Variants in MACIR observed in about 807,000 individuals in gnomAD.
The protein encoded by MACIR is macrophage immunometabolism regulator, also known as UNC119-binding protein C5orf30.
Under a neutral mutation model 14.3 loss-of-function variants are expected in MACIR, and 4 were observed. The ratio of observed to expected loss-of-function variants is 0.28; its 90% CI spans 0.14 to 0.64. The LOEUF (loss-of-function observed/expected upper bound fraction) is 0.64, where lower values mean the gene tolerates loss of function less well. Ranked by LOEUF, MACIR falls within the 30% of genes least tolerant of loss-of-function variation. MACIR has a pLI of 0.83. For missense variants in MACIR, 228 were observed against 257.6 expected, an observed-to-expected ratio of 0.89 and a Z score of 0.79; for synonymous variants, 101 against 102.4, an observed-to-expected ratio of 0.99 and a Z score of 0.08.
Position 103,276,318 on chromosome 5 carries a change from A to G in MACIR, c.399A>G (p.Ser133=), listed in dbSNP as rs1580586034. The part of the protein sequence containing the change: ...NGRRRRRMPS[S]GDKCTKSLPY... ...GGAGGCGAAGGCGGATGCCAAGCTC[A>G]GGAGACAAGTGCACTAAATCTTTAC... The change falls in exon 3 of 3, where the codon TCA becomes TCG. Residue 133 remains serine, a synonymous_variant. Coordinates refer to ENST00000319933, the MANE Select transcript of MACIR (RefSeq NM_033211.4). 1 of 1,612,752 alleles carries G rather than the reference A, an allele frequency of 6.2e-7. No homozygotes were observed. The highest frequency in any genetic ancestry group is 8.5e-7 in the Non-Finnish European group (1 of 1,179,800).
intron 2 of MACIR, among the ~76,000 whole-genome samples, chr5:103,267,762 G>A (rs1004491669): frequency 3.9e-5 from 6 of 152,098 alleles, no homozygotes; most frequent in South Asian, 2.1e-4. Context: ...CTTTTAAAGT[G>A]TACGGTTTGA....
chr5:103,275,837 C>A, intron 2 of MACIR, 60 bp from the exon 3 acceptor site: 1 of 1,452,842 alleles, frequency 6.9e-7, no homozygotes, highest in Non-Finnish European at 9.3e-7. Context: ...CTAAAAGGAC[C>A]TGGCCTGGCC....
chr5:103,269,657 AATAG>A (rs1382824515), intron 2 of MACIR, among the ~76,000 whole-genome samples: 2 of 152,060 alleles, frequency 1.3e-5, no homozygotes, highest in Non-Finnish European at 2.9e-5. Context: ...CTTTGTGCCA[AATAG>A]ATAGGAAGCT....
chr5:103,276,114 G>T lies in MACIR; in HGVS notation c.195G>T (p.Thr65=). 6.2e-7 allele frequency: 1 copy of T among 1,613,980 alleles called. No individual in the cohort carries two copies. The highest frequency in any genetic ancestry group is 8.5e-7 in the Non-Finnish European group (1 of 1,180,002). Reference sequence around the variant, plus strand: ...ACTCTAACTATTTGGTTGGCTTCACGACTGGCGAGGAACTCCTGAAGTTAG... The same window carrying T: ...ACTCTAACTATTTGGTTGGCTTCACTACTGGCGAGGAACTCCTGAAGTTAG... ...HMDSNYLVGF[T]TGEELLKLAQ... is the part of the protein sequence containing the mutation. The change falls in exon 3 of 3, where the codon ACG becomes ACT. Residue 65 remains threonine (T), a synonymous_variant. Coordinates refer to ENST00000319933, the MANE Select transcript of MACIR (RefSeq NM_033211.4).
upstream of MACIR, among the ~76,000 whole-genome samples, chr5:103,258,463 A>G (rs546414374): frequency 7.9e-4 from 120 of 152,192 alleles, no homozygotes; most frequent in Non-Finnish European, 1.5e-3. Flanking sequence ...CTTTAGTTGG[A>G]GTGCTGGGTT....
In MACIR at chr5:103,266,848, A is replaced by G. The variant is rs772534843; in HGVS notation, c.-24+851A>G. Reference sequence around the variant, plus strand: ...TCAAAGGAATGGTAGGGAAAAACAAATACTTTAATCTCATTAAGTAGATAA... The same window carrying G: ...TCAAAGGAATGGTAGGGAAAAACAAGTACTTTAATCTCATTAAGTAGATAA... On this transcript the variant is annotated intron_variant, in intron 2 of 2. Transcript: ENST00000319933. 2.0e-5 allele frequency among the ~76,000 whole-genome samples: 3 copies of G among 152,304 alleles called. No individual in the cohort carries two copies. In the South Asian group the frequency reaches 6.2e-4, roughly 32 times the overall value.
At position 103,276,693 on chromosome 5, in the gene MACIR, T is replaced by G; in HGVS notation, c.*153T>G. On this transcript the variant is annotated 3_prime_UTR_variant, in exon 3 of 3. Transcript: ENST00000319933. The stretch of plus-strand genomic sequence containing the variant: ...AAAAATTGTTTGGGTCAAATTTGAA[T>G]ACAGGAATGAAATCACAGGTACTTG... 2 of 631,924 alleles carry G rather than the reference T, an allele frequency of 3.2e-6. No homozygotes were observed. The highest frequency in any genetic ancestry group is 5.1e-6 in the Non-Finnish European group (2 of 391,210). 39.1% of individuals were successfully genotyped at this position (631,924 alleles called of 1,614,324 possible).
chr5:103,268,720 G>T (rs967920714), intron 2 of MACIR, among the ~76,000 whole-genome samples: 1 of 152,156 alleles, frequency 6.6e-6, no homozygotes, highest in African/African-American at 2.4e-5. Flanking sequence ...GAAGCTCCTT[G>T]CATGATTCTG....
rs114035466 is a variant in MACIR at position 103,276,120 on chromosome 5, C to T, written c.201C>T (p.Gly67=). ...DSNYLVGFTT[G]EELLKLAQKC... is the part of the protein sequence containing the mutation. ...ACTATTTGGTTGGCTTCACGACTGG[C>T]GAGGAACTCCTGAAGTTAGCTCAGA... The change falls in exon 3 of 3, where the codon GGC becomes GGT. Residue 67 remains glycine (G), a synonymous_variant. Coordinates refer to ENST00000319933, the MANE Select transcript of MACIR (RefSeq NM_033211.4). 546 of 1,613,866 alleles carry T rather than the reference C, an allele frequency of 3.4e-4. 7 individuals are homozygous for T. The South Asian group carries it at 3.7e-3, about 11-fold the overall frequency.
Position 103,277,329 on chromosome 5 carries a change from G to A in MACIR, c.*789G>A, listed in dbSNP as rs1244247315. On this transcript the variant is annotated 3_prime_UTR_variant, in exon 3 of 3. Transcript: ENST00000319933. The stretch of plus-strand genomic sequence containing the variant: ...TCATAAGTTGAAAAAACTCTCCTTA[G>A]TGCTTATTTTCTAACTTAAAATTCA... The A allele has an allele frequency of 1.8e-5, 3 of 167,002 alleles. No homozygotes were observed. The highest frequency in any genetic ancestry group is 4.8e-5 in the African/African-American group (2 of 41,432). 10.3% of individuals were successfully genotyped at this position (167,002 alleles called of 1,614,324 possible). A position where few individuals can be genotyped will look rare whatever the true frequency, so the allele number is the denominator to read the frequency against.
intron 2 of MACIR, among the ~76,000 whole-genome samples, chr5:103,271,864 A>C (rs1805139829): frequency 6.6e-6 from 1 of 152,116 alleles, no homozygotes; most frequent in South Asian, 2.1e-4. Context: ...TTTTCTATTT[A>C]CAGTCTATTT....
At chr5:103,268,112 G>A (rs534251889) in intron 2 of MACIR, among the ~76,000 whole-genome samples, 3 of 152,250 alleles carry the variant, frequency 2.0e-5, no homozygotes, top group East Asian at 3.9e-4. Flanking sequence ...TTCCAGTTTC[G>A]GTGTTTGTGA....
chr5:103,265,072 A>G (rs1205530090), intron 1 of MACIR, among the ~76,000 whole-genome samples: 2 of 152,098 alleles, frequency 1.3e-5, no homozygotes, highest in African/African-American at 2.4e-5. Context: ...AATTAACCCT[A>G]TTAACTAGGG....
rs1554237878 is a variant in MACIR at position 103,277,234 on chromosome 5, G to A, written c.*694G>A. 1.8e-4 allele frequency: 30 copies of A among 166,878 alleles called. No homozygotes were observed. 10.3% of individuals were successfully genotyped at this position (166,878 alleles called of 1,614,324 possible). A position where few individuals can be genotyped will look rare whatever the true frequency, so the allele number is the denominator to read the frequency against. On this transcript the variant is annotated 3_prime_UTR_variant, in exon 3 of 3. Coordinates refer to ENST00000319933, the MANE Select transcript of MACIR (RefSeq NM_033211.4). ...TGTGTCTTAATAAAATTAAATTTGG[G>A]ATACAAAGTATTTATTTTACAATGG... is the stretch of plus-strand genomic sequence containing the variant.
At chr5:103,272,784 G>A (rs1304107180) in intron 2 of MACIR, among the ~76,000 whole-genome samples, 2 of 152,160 alleles carry the variant, frequency 1.3e-5, no homozygotes, top group African/African-American at 2.4e-5. Context: ...CAGCGTTCAT[G>A]TTCCTACGTG....
intron 2 of MACIR, among the ~76,000 whole-genome samples, chr5:103,273,123 A>G (rs1255674616): frequency 6.6e-6 from 1 of 152,196 alleles, no homozygotes; most frequent in Non-Finnish European, 1.5e-5. Flanking sequence ...GATATTAGAA[A>G]TGCTTATTCT....
chr5:103,276,002 A>G lies in MACIR; in HGVS notation c.83A>G (p.Lys28Arg), dbSNP rs1291787654. 6 of 1,613,962 alleles carry G rather than the reference A, an allele frequency of 3.7e-6. No individual in the cohort carries two copies. Among genetic ancestry groups the G allele is most frequent in the Non-Finnish European group, 5.1e-6 (6 of 1,180,032 alleles). The change falls in exon 3 of 3, where the codon AAG becomes AGG. Residue 28 changes from lysine (K) to arginine (R), a missense_variant. Coordinates refer to ENST00000319933, the MANE Select transcript of MACIR (RefSeq NM_033211.4). ...FPGAEANSPG[K>R]AEAEKPRCSS... ...GGGGCTGAGGCCAACTCCCCGGGAA[A>G]GGCGGAGGCAGAGAAGCCCCGCTGC...
At chr5:103,265,752 A>T (rs1299559327) in intron 1 of MACIR, among the ~76,000 whole-genome samples, 156 bp from the exon 2 acceptor site, 1 of 152,208 alleles carries the variant, frequency 6.6e-6, no homozygotes, top group East Asian at 1.9e-4. Flanking sequence ...CAAACTCAAC[A>T]TCAATTGAAT....
intron 2 of MACIR, among the ~76,000 whole-genome samples, chr5:103,269,405 T>G (rs1554236950): frequency 1.3e-5 from 2 of 152,192 alleles, no homozygotes. Flanking sequence ...TTTAAAATGG[T>G]TATGTTGATA....
Sources: gnomAD v4.1 joint callset for allele counts (sites outside exome capture counted in the v4.1 genomes callset) on GRCh38, gnomAD v4.1.1 for gene constraint, MANE v1.5 for transcripts, NCBI Gene and HGNC (gene_info 2026-07-23, HGNC 2026-07-21) for gene names.